The following ACTR3B variants were observed in gnomAD, a reference collection of about 807,000 sequenced individuals.
ACTR3B encodes the protein actin-related protein 3B.
ACTR3B carries 8 observed loss-of-function variants against 59.0 expected under a neutral mutation model. The observed-to-expected ratio is 0.14, with a 90% CI of 0.08 to 0.24. The LOEUF is 0.24. Among genes scored for constraint, ACTR3B ranks in the 10% least tolerant of loss-of-function variants. ACTR3B has a pLI of 1.00. For missense variants in ACTR3B, 245 were observed against 552.3 expected (o/e 0.44, Z 5.58); for synonymous variants, 148 against 197.9 (o/e 0.75, Z 2.12).
At chr7:152,781,328 C>T (rs1343886211) in intron 1 of ACTR3B, among the ~76,000 whole-genome samples, 2 of 150,902 alleles carry the variant, frequency 1.3e-5, no homozygotes, top group Admixed American at 6.7e-5. Flanking sequence ...TGACTTTCAG[C>T]ATCCCTCTTG....
chr7:152,764,747 G>A (rs563145432), intron 1 of ACTR3B, among the ~76,000 whole-genome samples: 112 of 152,244 alleles, frequency 7.4e-4, no homozygotes, highest in African/African-American at 2.5e-3. Context: ...GGGTCAAAGG[G>A]CAAATGCATA....
intron 1 of ACTR3B, among the ~76,000 whole-genome samples, chr7:152,776,946 T>C (rs1255511980): frequency 6.6e-6 from 1 of 152,238 alleles, no homozygotes; most frequent in African/African-American, 2.4e-5. Flanking sequence ...TAATATAATT[T>C]ATTTAATATA....
chr7:152,785,394 AGGGGGAGG>A (rs2098168646), intron 2 of ACTR3B, among the ~76,000 whole-genome samples: 1 of 2,976 alleles, frequency 3.4e-4, no homozygotes, highest in Non-Finnish European at 7.3e-4. Context: ...GGGGGAGGGG[AGGGGGAGG>A]GGGAGAGGGA....
intron 4 of ACTR3B, among the ~76,000 whole-genome samples, chr7:152,804,693 G>A (rs1645609441): frequency 6.6e-6 from 1 of 152,224 alleles, no homozygotes; most frequent in African/African-American, 2.4e-5. Flanking sequence ...GGAAGGGCCA[G>A]TTTATACAGC....
chr7:152,842,852 A>T (rs151219761), intron 9 of ACTR3B, among the ~76,000 whole-genome samples: 1 of 152,122 alleles, frequency 6.6e-6, no homozygotes, highest in Non-Finnish European at 1.5e-5. Context: ...TACAGCATCT[A>T]CCCTCCCACC....
At chr7:152,836,497 G>A (rs1797468082) in intron 9 of ACTR3B, among the ~76,000 whole-genome samples, 1 of 151,954 alleles carries the variant, frequency 6.6e-6, no homozygotes, top group Non-Finnish European at 1.5e-5. Flanking sequence ...TGAGGTGGGA[G>A]GATCCCTTGA....
At chr7:152,789,900 T>A (rs1373908714) in intron 2 of ACTR3B, among the ~76,000 whole-genome samples, 10 of 151,902 alleles carry the variant, frequency 6.6e-5, no homozygotes, top group Non-Finnish European at 1.3e-4. Flanking sequence ...GGGTTTTTTT[T>A]AATTAAAAAA....
chr7:152,812,931 C>T (rs377567543), intron 4 of ACTR3B: 4 of 67,220 alleles, frequency 6.0e-5, no homozygotes, highest in East Asian at 1.1e-3. Context: ...AGTCCAAGGT[C>T]GAGGTGCCGT....
intron 2 of ACTR3B, among the ~76,000 whole-genome samples, chr7:152,792,348 TTC>T (rs2098199412): frequency 2.0e-5 from 3 of 152,320 alleles, no homozygotes; most frequent in African/African-American, 7.2e-5. Flanking sequence ...CTTTCCATTG[TTC>T]TTTCTTTTTT....
At chr7:152,796,364 ATGGT>A (rs1340575182) in intron 2 of ACTR3B, among the ~76,000 whole-genome samples, 1 of 151,674 alleles carries the variant, frequency 6.6e-6, no homozygotes, top group Non-Finnish European at 1.5e-5. Context: ...CTTCTCTGGA[ATGGT>A]TGTATCTGGG....
At chr7:152,833,241 A>G (rs1797169078) in intron 9 of ACTR3B, among the ~76,000 whole-genome samples, 1 of 152,198 alleles carries the variant, frequency 6.6e-6, no homozygotes, top group Non-Finnish European at 1.5e-5. Flanking sequence ...ATTAATTGTT[A>G]TGTCCCTTCC....
At chr7:152,770,800 G>A (rs1315445655) in intron 1 of ACTR3B, among the ~76,000 whole-genome samples, 6 of 134,474 alleles carry the variant, frequency 4.5e-5, no homozygotes, top group African/African-American at 1.7e-4. Context: ...TTGTTGTTGA[G>A]CAAGCAGGTC....
At chr7:152,774,910 T>C (rs2116558027) in intron 1 of ACTR3B, among the ~76,000 whole-genome samples, 1 of 152,290 alleles carries the variant, frequency 6.6e-6, no homozygotes, top group East Asian at 1.9e-4. Context: ...TTTACTTTTA[T>C]CAAAGCCATA....
chr7:152,833,010 C>T (rs959593036), intron 9 of ACTR3B, among the ~76,000 whole-genome samples: 1 of 152,080 alleles, frequency 6.6e-6, no homozygotes, highest in Non-Finnish European at 1.5e-5. Context: ...AAGGAGTCGC[C>T]TGAGAAGAGA....
intron 9 of ACTR3B, among the ~76,000 whole-genome samples, chr7:152,836,479 TG>T (rs1299309664): frequency 1.3e-5 from 2 of 151,712 alleles, no homozygotes; most frequent in African/African-American, 4.8e-5. Flanking sequence ...CCCAGCTACT[TG>T]GGAGGCTGAG....
chr7:152,827,415 T>C (rs560043818), intron 9 of ACTR3B, among the ~76,000 whole-genome samples: 191 of 152,100 alleles, frequency 1.3e-3, no homozygotes, highest in African/African-American at 4.5e-3. Context: ...GTCACATAGC[T>C]GAACTCTATA....
chr7:152,820,451 A>G lies in ACTR3B; in HGVS notation c.684+9A>G, dbSNP rs1188155891. 3.1e-6 allele frequency: 5 copies of G among 1,603,018 alleles called. No individual in the cohort carries two copies. The highest frequency in any genetic ancestry group is 4.3e-6 in the Non-Finnish European group (5 of 1,172,334). ...CCGCAAAAGCCATTAAGGTAAAAAC[A>G]GATGGGAAACCGGCCGGTTTGGGGG... On this transcript the variant is annotated intron_variant, in intron 7 of 11. Coordinates refer to ENST00000256001, the MANE Select transcript of ACTR3B (RefSeq NM_020445.6).
At chr7:152,807,198 C>G (rs969946295) in intron 4 of ACTR3B, among the ~76,000 whole-genome samples, 2 of 152,214 alleles carry the variant, frequency 1.3e-5, no homozygotes, top group African/African-American at 4.8e-5. Context: ...TCCCCCTTCA[C>G]TACAGTAGAA....
chr7:152,801,135 T>C (rs2098235124), intron 3 of ACTR3B, among the ~76,000 whole-genome samples: 1 of 152,304 alleles, frequency 6.6e-6, no homozygotes, highest in Admixed American at 6.5e-5. Context: ...GCTGGAGTGC[T>C]GTGATGCCGT....
Sources: gnomAD v4.1 joint callset for allele counts (sites outside exome capture counted in the v4.1 genomes callset) on GRCh38, gnomAD v4.1.1 for gene constraint, MANE v1.5 for transcripts, NCBI Gene and HGNC (gene_info 2026-07-23, HGNC 2026-07-21) for gene names.